The following LILRA4 variants were observed in gnomAD, a reference collection of about 807,000 sequenced individuals.
The protein encoded by LILRA4 is leukocyte immunoglobulin like receptor A4, also known as leukocyte immunoglobulin-like receptor subfamily A member 4.
A neutral mutation model predicts 49.5 loss-of-function variants in LILRA4; 51 were observed. The ratio of observed to expected loss-of-function variants is 1.03; its 90% confidence interval spans 0.82 to 1.30. The LOEUF (loss-of-function observed/expected upper bound fraction) is 1.30. LILRA4 is among the 50% of genes most tolerant of loss of function. The pLI, the probability that LILRA4 is intolerant of heterozygous loss-of-function variation, is 0.00. For synonymous variants in LILRA4, 272 were observed against 265.6 expected, an observed-to-expected ratio of 1.02 and a Z score of -0.23; for missense variants, 624 against 625.6, an observed-to-expected ratio of 1.00 and a Z score of 0.03.
At chr19:54,334,244 A>T (rs1569162849) in intron 6 of LILRA4, 1 of 457,560 alleles carries the variant, frequency 2.2e-6, no homozygotes, top group Non-Finnish European at 3.9e-6. Context: ...ACTAGAAAGA[A>T]TTGAGCTCTT....
chr19:54,337,390 G>A lies in LILRA4; in HGVS notation c.952+10C>T. 3 of 1,610,838 alleles carry A rather than the reference G, an allele frequency of 1.9e-6. No individual in the cohort carries two copies. The highest frequency in any genetic ancestry group is 2.5e-6 in the Non-Finnish European group (3 of 1,179,536). Reference sequence around the variant, plus strand: ...TGGGTCCCCCTGACTGAACCCGCTGGGCTCCTCACCTGCGATCAGGATATC... The same window carrying A: ...TGGGTCCCCCTGACTGAACCCGCTGAGCTCCTCACCTGCGATCAGGATATC... On this transcript the variant is annotated intron_variant, in intron 5 of 7. Transcript: ENST00000291759.
intron 3 of LILRA4, 77 bp downstream of exon 3, chr19:54,338,319 A>G: frequency 1.3e-6 from 2 of 1,596,782 alleles, no homozygotes; most frequent in African/African-American, 2.7e-5. Flanking sequence ...GTGAGAAGGG[A>G]GACCCCTCGA....
Position 54,337,136 on chromosome 19 carries a change from G to A in LILRA4, c.960C>T (p.Ile320=), listed in dbSNP as rs772108084. The A allele has an allele frequency of 2.5e-6, 4 of 1,612,472 alleles. No homozygotes were observed. Among genetic ancestry groups the A allele is most frequent in the Non-Finnish European group, 3.4e-6 (4 of 1,179,156 alleles). ...GCACTGAGAGGGAGGGTCTGTCAGAGATCTGTCCTGGAGAAAAGAAGGACG... is the reference window on the plus strand; with the variant it reads ...GCACTGAGAGGGAGGGTCTGTCAGAAATCTGTCCTGGAGAAAAGAAGGACG... The part of the protein sequence containing the change: ...DPLDILIAGQ[I]SDRPSLSVQP... The change falls in exon 6 of 8, where the codon ATC becomes ATT. Residue 320 remains isoleucine, a synonymous_variant. Transcript: ENST00000291759.
intron 6 of LILRA4, chr19:54,335,511 T>TTGTC (rs1417679782): frequency 6.5e-6 from 1 of 153,548 alleles, no homozygotes; most frequent in Non-Finnish European, 1.4e-5. Context: ...GTTTGTTTGT[T>TTGTC]TGTTTTTGAG....
At position 54,333,663 on chromosome 19, in the gene LILRA4, C is replaced by G; in HGVS notation, c.1409G>C (p.Ser470Thr). 1 of 1,614,122 alleles carries G rather than the reference C, an allele frequency of 6.2e-7. No individual in the cohort carries two copies. The highest frequency in any genetic ancestry group is 8.5e-7 in the Non-Finnish European group (1 of 1,180,012). The change falls in exon 8 of 8, where the codon AGC (serine) becomes ACC (threonine). Residue 470 changes from serine to threonine, a missense_variant. Physicochemically the swap from Ser to Thr is moderately conservative, Grantham distance 58. Coordinates refer to ENST00000291759, the MANE Select transcript of LILRA4 (RefSeq NM_012276.5). Reference protein sequence around the residue: ...LGILLFEAQHSQRSPPRCSQE... With the variant: ...LGILLFEAQHTQRSPPRCSQE... The stretch of plus-strand genomic sequence containing the variant: ...GCTGCACCTTGGGGGGCTTCTCTGG[C>G]TGTGCTGAGCCTCAAATAACAGAAT...
Position 54,336,917 on chromosome 19 carries a change from G to C in LILRA4, c.1179C>G (p.Tyr393Ter). ...TGGAGCTGCGTGAGCCGTAGCACCT[G>C]TAGGTCCCCGCGTGGGCTGAGGTCA... ...SPVTSAHAGT[Y>*]RCYGSRSSNP... The change falls in exon 6 of 8, where the codon TAC (tyrosine) becomes TAG (stop). Residue 393 changes from tyrosine (Y) to a stop codon, truncating the protein, a stop_gained. Coordinates refer to ENST00000291759, the MANE Select transcript of LILRA4 (RefSeq NM_012276.5). LOFTEE classifies it high-confidence loss of function. 1 of 1,614,232 alleles carries C rather than the reference G, an allele frequency of 6.2e-7. No individual in the cohort carries two copies. Among genetic ancestry groups the C allele is most frequent in the African/African-American group, 1.3e-5 (1 of 75,068 alleles).
At chr19:54,334,301 C>T (rs1458458505) in intron 6 of LILRA4, 1 of 261,416 alleles carries the variant, frequency 3.8e-6, no homozygotes, top group Non-Finnish European at 7.2e-6. Context: ...AACACAACAA[C>T]TAATTCCCCC....
At chr19:54,336,656 G>T in intron 6 of LILRA4, 185 bp downstream of exon 6, 1 of 930,218 alleles carries the variant, frequency 1.1e-6, no homozygotes, top group Non-Finnish European at 1.6e-6. Flanking sequence ...TTTTCTTAGT[G>T]TCCTGAACTC....
chr19:54,338,879 G>T lies in LILRA4; in HGVS notation c.57C>A (p.Thr19=). The T allele has an allele frequency of 6.2e-7, 1 of 1,614,096 alleles. No individual in the cohort carries two copies. The highest frequency in any genetic ancestry group is 1.1e-5 in the South Asian group (1 of 91,080). The change falls in exon 2 of 8, where the codon ACC becomes ACA. Residue 19 remains threonine (T), a synonymous_variant. Transcript: ENST00000291759. ...LFFGLSLGPR[T]RVQAENLLKP... is the part of the protein sequence containing the mutation. ...GGACAGACTCACCTGCCTGCACCCG[G>T]GTCCTGGGGCCCAGGCTCAGCCCTG...
chr19:54,338,318 G>A (rs1569167049), intron 3 of LILRA4, 78 bp downstream of exon 3: 1 of 1,597,024 alleles, frequency 6.3e-7, no homozygotes, highest in South Asian at 1.1e-5. Flanking sequence ...TGTGAGAAGG[G>A]AGACCCCTCG....
chr19:54,337,291 C>G, intron 5 of LILRA4, 109 bp downstream of exon 5: 1 of 1,449,362 alleles, frequency 6.9e-7, no homozygotes, highest in Admixed American at 2.1e-5. Context: ...GTCTGTCTCT[C>G]CCTCCCTTAG....
rs755755461 is a variant in LILRA4 at position 54,338,920 on chromosome 19, TGA to T, written c.35-21_35-20del. On this transcript the variant is annotated intron_variant, in intron 1 of 7. Coordinates refer to ENST00000291759, the MANE Select transcript of LILRA4 (RefSeq NM_012276.5). Reference sequence around the variant, plus strand: ...CTCAGCCCTGGAAGAGAGTTCCCTGTGAGAGATTTGCCTCCGAAGCCTGAGCA... The same window carrying T: ...CTCAGCCCTGGAAGAGAGTTCCCTGTGAGATTTGCCTCCGAAGCCTGAGCA... 8 of 1,614,022 alleles carry T rather than the reference TGA, an allele frequency of 5.0e-6. No individual in the cohort carries two copies. Among genetic ancestry groups the T allele is most frequent in the Admixed American group, 3.3e-5 (2 of 60,012 alleles).
intron 6 of LILRA4, chr19:54,334,978 A>T (rs879754650): frequency 4.6e-5 from 7 of 151,856 alleles, no homozygotes; most frequent in African/African-American, 7.2e-5. Flanking sequence ...CCGTCTCAAA[A>T]AAAATAAAAT....
chr19:54,337,921 C>G lies in LILRA4; in HGVS notation c.655+15G>C, dbSNP rs767859397. The G allele has an allele frequency of 1.3e-6, 2 of 1,597,476 alleles. No individual in the cohort carries two copies. Among genetic ancestry groups the G allele is most frequent in the Non-Finnish European group, 8.5e-7 (1 of 1,171,664 alleles). On this transcript the variant is annotated intron_variant, in intron 4 of 7. Transcript: ENST00000291759. The stretch of plus-strand genomic sequence containing the variant: ...TGCCCTGACTTTGTATAAGGAAAAG[C>G]TACGGCTTCCTCACCTGACACCAGT...
rs781468895 is a variant in LILRA4 at position 54,337,385 on chromosome 19, C to T, written c.952+15G>A. ...GAGCCTGGGTCCCCCTGACTGAACC[C>T]GCTGGGCTCCTCACCTGCGATCAGG... On this transcript the variant is annotated intron_variant, in intron 5 of 7. Transcript: ENST00000291759. The T allele has an allele frequency of 1.1e-4, 175 of 1,610,166 alleles. No individual in the cohort carries two copies. The highest frequency in any genetic ancestry group is 2.4e-4 in the South Asian group (22 of 90,894).
chr19:54,335,849 G>A (rs1467558306), intron 6 of LILRA4: 7 of 152,128 alleles, frequency 4.6e-5, no homozygotes, highest in Non-Finnish European at 1.0e-4. Flanking sequence ...AATGATTATA[G>A]ATACATATGT....
chr19:54,333,566 A>G lies in LILRA4; in HGVS notation c.*6T>C. 6.2e-7 allele frequency: 1 copy of G among 1,613,456 alleles called. No homozygotes were observed. Among genetic ancestry groups the G allele is most frequent in the South Asian group, 1.1e-5 (1 of 91,030 alleles). Reference sequence around the variant, plus strand: ...TGCCCCAGTCTTCCAGAACCTCCTCAGATCATCAGATCTGTTCCCAAGGCT... The same window carrying G: ...TGCCCCAGTCTTCCAGAACCTCCTCGGATCATCAGATCTGTTCCCAAGGCT... On this transcript the variant is annotated 3_prime_UTR_variant, in exon 8 of 8. Transcript: ENST00000291759.
intron 5 of LILRA4, 29 bp downstream of exon 5, chr19:54,337,371 C>T: frequency 6.5e-7 from 1 of 1,549,170 alleles, no homozygotes; most frequent in Non-Finnish European, 8.7e-7. Flanking sequence ...AGCCTGGGTC[C>T]CCCTGACTGA....
At chr19:54,336,762 G>A (rs950012946) in intron 6 of LILRA4, 79 bp downstream of exon 6, 5 of 1,543,998 alleles carry the variant, frequency 3.2e-6, no homozygotes, top group South Asian at 2.4e-5. Flanking sequence ...ACAGACAGAC[G>A]GACACTCTCT....
Sources: allele counts gnomAD v4.1 joint callset, GRCh38; gene constraint gnomAD v4.1.1; transcripts MANE v1.5; gene names NCBI Gene and HGNC (gene_info 2026-07-23, HGNC 2026-07-21).